Variants in CARD19 observed in about 807,000 individuals in gnomAD.
CARD19 encodes the protein caspase recruitment domain family member 19, also known as caspase recruitment domain-containing protein 19.
Under a neutral mutation model 24.1 loss-of-function variants are expected in CARD19, and 25 were observed. The observed-to-expected ratio is 1.04, with a 90% CI of 0.76 to 1.45. The LOEUF (loss-of-function observed/expected upper bound fraction) is 1.45. CARD19 is among the 40% of genes most tolerant of loss of function. The pLI is 0.00. For missense variants in CARD19, 241 were observed against 247.4 expected (o/e 0.97, Z 0.17); for synonymous variants, 103 against 104.9 (o/e 0.98, Z 0.11).
At chr9:93,099,805 C>G (rs1394194279) in intron 1 of CARD19, among the ~76,000 whole-genome samples, 1 of 152,216 alleles carries the variant, frequency 6.6e-6, no homozygotes, top group Non-Finnish European at 1.5e-5. Flanking sequence ...GCCAGCCTTT[C>G]CAGCCCCCAG....
intron 2 of CARD19, among the ~76,000 whole-genome samples, chr9:93,108,022 C>T (rs1264666614): frequency 1.3e-5 from 2 of 152,182 alleles, no homozygotes; most frequent in East Asian, 1.9e-4. Context: ...CAACCAGGCT[C>T]GGAACATCAG....
intron 1 of CARD19, among the ~76,000 whole-genome samples, chr9:93,103,573 T>C (rs932378422): frequency 1.3e-5 from 2 of 152,254 alleles, no homozygotes; most frequent in Non-Finnish European, 2.9e-5. Flanking sequence ...ACTGCAGAGA[T>C]AGAGTGCCAA....
At chr9:93,108,510 C>T (rs887468834) in intron 2 of CARD19, among the ~76,000 whole-genome samples, 12 of 151,988 alleles carry the variant, frequency 7.9e-5, no homozygotes, top group African/African-American at 2.7e-4. Flanking sequence ...ACCGAGAGCC[C>T]CTGCCTGGCA....
At chr9:93,109,311 TC>T (rs3080516) in intron 2 of CARD19, among the ~76,000 whole-genome samples, 2 of 114,408 alleles carry the variant, frequency 1.7e-5, no homozygotes, top group Admixed American at 1.1e-4. Context: ...ATGGTTTAAC[TC>T]CAGTTCCCTG....
chr9:93,098,931 T>A (rs1267350273), intron 1 of CARD19, among the ~76,000 whole-genome samples: 7 of 144,018 alleles, frequency 4.9e-5, no homozygotes, highest in African/African-American at 1.8e-4. Context: ...AGACAGAGTC[T>A]CATTCTGTCA....
In CARD19 at chr9:93,096,250, C is replaced by T. The variant is rs1055321855; in HGVS notation, c.-96C>T. On this transcript the variant is annotated 5_prime_UTR_variant, in exon 1 of 6. Coordinates refer to ENST00000375464, the MANE Select transcript of CARD19 (RefSeq NM_032310.5). This position sits in a 1 kb window ranked among gnomAD's most constrained non-coding sequence, Gnocchi z 5.4. The stretch of plus-strand genomic sequence containing the variant: ...GCGGGCGAGCACGGCCCGCGGGCGG[C>T]GTTCGCTGGAGCTGGTGGACCGGGC... 9.1e-5 allele frequency: 107 copies of T among 1,181,064 alleles called. No individual in the cohort carries two copies. The Middle Eastern group carries it at 9.7e-4, about 11-fold the overall frequency. 73.2% of individuals were successfully genotyped at this position (1,181,064 alleles called of 1,614,324 possible). A position where few individuals can be genotyped will look rare whatever the true frequency, so the allele number is the denominator to read the frequency against.
chr9:93,107,528 G>T, intron 1 of CARD19, 146 bp from the exon 2 acceptor site: 1 of 877,402 alleles, frequency 1.1e-6, no homozygotes, highest in East Asian at 2.6e-5. Context: ...CACACAGGCT[G>T]GGATGGCTGT....
intron 2 of CARD19, chr9:93,110,357 T>G (rs1827419667): frequency 4.2e-6 from 3 of 710,066 alleles, no homozygotes; most frequent in African/African-American, 3.6e-5. Flanking sequence ...CCACAGGGAG[T>G]ATGAGGAGTA....
At chr9:93,110,889 G>C in intron 3 of CARD19, 168 bp downstream of exon 3, 2 of 1,533,400 alleles carry the variant, frequency 1.3e-6, no homozygotes, top group Non-Finnish European at 1.7e-6. Context: ...CTCTGGCCCC[G>C]AGGGGAGAGT....
intron 4 of CARD19, 136 bp from the exon 5 acceptor site, chr9:93,112,082 C>A (rs950998195): frequency 2.6e-4 from 342 of 1,335,058 alleles, no homozygotes; most frequent in Non-Finnish European, 3.4e-4. Context: ...CAGACCCCCC[C>A]CCTAAGGTGC....
intron 2 of CARD19, 94 bp downstream of exon 2, chr9:93,107,910 C>A: frequency 1.4e-6 from 2 of 1,472,244 alleles, no homozygotes; most frequent in Non-Finnish European, 1.9e-6. Flanking sequence ...GGGTCATTCT[C>A]TCATGGGATG....
At chr9:93,110,312 G>C in intron 2 of CARD19, 1 of 521,528 alleles carries the variant, frequency 1.9e-6, no homozygotes, top group Non-Finnish European at 3.3e-6. Flanking sequence ...TGCTTTCTTT[G>C]TGACCACTCC....
At chr9:93,104,130 T>G (rs1337113316) in intron 1 of CARD19, among the ~76,000 whole-genome samples, 1 of 152,268 alleles carries the variant, frequency 6.6e-6, no homozygotes, top group Admixed American at 6.5e-5. Context: ...GATTTTTGAT[T>G]TGTACATGTT....
chr9:93,107,928 AG>A, intron 2 of CARD19, 112 bp downstream of exon 2: 5 of 1,328,788 alleles, frequency 3.8e-6, no homozygotes, highest in Non-Finnish European at 5.2e-6. Context: ...ATGACACACT[AG>A]GTATGTCAGG....
Position 93,112,987 on chromosome 9 carries a change from T to G in CARD19, c.437-5T>G, listed in dbSNP as rs1827560678. ...TGAGCTTTTGCCTCCCCTTTTGTCT[T>G]CTAGACCCCAAGGGCCTGCCAGGGA... On this transcript the variant is annotated splice_region_variant and splice_polypyrimidine_tract_variant and intron_variant, in intron 5 of 5. Transcript: ENST00000375464. The G allele has an allele frequency of 6.2e-7, 1 of 1,601,674 alleles. No homozygotes were observed. Among genetic ancestry groups the G allele is most frequent in the Non-Finnish European group, 8.5e-7 (1 of 1,172,560 alleles).
chr9:93,109,681 G>T (rs924465409), intron 2 of CARD19, among the ~76,000 whole-genome samples: 1 of 152,160 alleles, frequency 6.6e-6, no homozygotes, highest in East Asian at 1.9e-4. Context: ...GGCCAGGCTG[G>T]TGTCAAACTC....
chr9:93,103,041 T>C (rs57649373), intron 1 of CARD19, among the ~76,000 whole-genome samples: 2,148 of 152,324 alleles, frequency 0.014, 60 homozygotes, highest in African/African-American at 0.049. Context: ...TAGGGTTTTC[T>C]ATATATAAAA....
Position 93,096,308 on chromosome 9 carries a change from G to C in CARD19, c.-38G>C, listed in dbSNP as rs965178736. On this transcript the variant is annotated 5_prime_UTR_variant, in exon 1 of 6. Coordinates refer to ENST00000375464, the MANE Select transcript of CARD19 (RefSeq NM_032310.5). This position sits in a 1 kb window ranked among gnomAD's most constrained non-coding sequence, Gnocchi z 5.4. ...CGAGGGGCGGACGCGCGGCGGGGCA[G>C]ACCGCTGGGGACTGCGGGCGGCGCT... The C allele has an allele frequency of 7.4e-5, 91 of 1,224,928 alleles. No homozygotes were observed. The highest frequency in any genetic ancestry group is 8.2e-5 in the Non-Finnish European group (81 of 983,498). The allele number at this position is 1,224,928 out of a possible 1,614,324, so 75.9% of individuals were successfully genotyped here. A position where few individuals can be genotyped will look rare whatever the true frequency, so the allele number is the denominator to read the frequency against.
At chr9:93,106,152 T>C (rs1827245852) in intron 1 of CARD19, among the ~76,000 whole-genome samples, 1 of 152,174 alleles carries the variant, frequency 6.6e-6, no homozygotes, top group African/African-American at 2.4e-5. Flanking sequence ...TTGTTTACTA[T>C]TTGTATGGGT....
Sources: gnomAD v4.1 joint callset for allele counts (sites outside exome capture counted in the v4.1 genomes callset) on GRCh38, gnomAD v4.1.1 for gene constraint, Gnocchi (gnomAD v3.1) non-coding constraint, MANE v1.5 for transcripts, NCBI Gene and HGNC (gene_info 2026-07-23, HGNC 2026-07-21) for gene names.